The following KIFBP variants were observed in gnomAD, a reference collection of about 807,000 sequenced individuals.
KIFBP encodes KIF-binding protein.
KIFBP carries 46 observed loss-of-function variants against 58.9 expected under a neutral mutation model. That is an observed-to-expected ratio of 0.78 (90% CI 0.62 to 1.00). The LOEUF (loss-of-function observed/expected upper bound fraction) is 1.00, where lower values mean the gene tolerates loss of function less well. KIFBP is among the 50% of genes least tolerant of loss of function. The probability of loss-of-function intolerance (pLI) is 0.00; values close to 1 mark genes in which losing one functional copy is unlikely to be tolerated. For synonymous variants in KIFBP, 241 were observed against 283.4 expected (o/e 0.85, Z 1.50); for missense variants, 651 against 752.9 (o/e 0.86, Z 1.58).
At chr10:69,011,253 C>G in intron 6 of KIFBP, 1 of 455,396 alleles carries the variant, frequency 2.2e-6, no homozygotes, top group Non-Finnish European at 4.0e-6. Context: ...GGCAACAGAG[C>G]GAGACTCCAT....
intron 4 of KIFBP, among the ~76,000 whole-genome samples, chr10:69,008,437 T>C (rs1843560202): frequency 7.3e-6 from 1 of 137,908 alleles, no homozygotes; most frequent in Non-Finnish European, 1.5e-5. Context: ...TCTGACACAA[T>C]GTAAATAGTC....
chr10:69,016,608 T>C lies in KIFBP; in HGVS notation c.*192T>C, dbSNP rs1589299274. The C allele has an allele frequency of 5.2e-6, 3 of 577,272 alleles. No individual in the cohort carries two copies. In the East Asian group the frequency reaches 8.5e-5, roughly 16 times the overall value. The allele number at this position is 577,272 out of a possible 1,614,324, so 35.8% of individuals were successfully genotyped here. Reference sequence around the variant, plus strand: ...AATTAAAAACTTACACCTAATTATGTAAATTGCCTTGTTAAAGACATGTGA... The same window carrying C: ...AATTAAAAACTTACACCTAATTATGCAAATTGCCTTGTTAAAGACATGTGA... On this transcript the variant is annotated 3_prime_UTR_variant, in exon 7 of 7. Transcript: ENST00000361983.
chr10:69,001,749 CAAAA>C (rs11321915), intron 2 of KIFBP, among the ~76,000 whole-genome samples: 2 of 122,150 alleles, frequency 1.6e-5, no homozygotes, highest in African/African-American at 2.8e-5. Context: ...GACCCTGTCT[CAAAA>C]AAAAAAAAAA....
In KIFBP at chr10:69,016,686, G is replaced by T; in HGVS notation, c.*270G>T. Reference sequence around the variant, plus strand: ...TAAAATACAGACATTTCTACCCTCAGTTTCTAAATGTAGACTATTTGTTGG... The same window carrying T: ...TAAAATACAGACATTTCTACCCTCATTTTCTAAATGTAGACTATTTGTTGG... On this transcript the variant is annotated 3_prime_UTR_variant, in exon 7 of 7. Transcript: ENST00000361983. 2.5e-6 allele frequency: 1 copy of T among 394,572 alleles called. No homozygotes were observed. The highest frequency in any genetic ancestry group is 3.6e-5 in the South Asian group (1 of 28,048). The allele number at this position is 394,572 out of a possible 1,614,324, so 24.4% of individuals were successfully genotyped here.
At chr10:69,000,223 C>T (rs1240532516) in intron 1 of KIFBP, among the ~76,000 whole-genome samples, 1 of 152,026 alleles carries the variant, frequency 6.6e-6, no homozygotes, top group Non-Finnish European at 1.5e-5. Context: ...GCATGAATAC[C>T]CCGAAGCAGG....
intron 6 of KIFBP, among the ~76,000 whole-genome samples, chr10:69,012,767 C>G (rs1843608686): frequency 6.6e-6 from 1 of 151,960 alleles, no homozygotes; most frequent in African/African-American, 2.4e-5. Context: ...GTGGTGTGCA[C>G]CTATAGTCCC....
chr10:69,005,220 G>A, intron 3 of KIFBP, 95 bp downstream of exon 3: 1 of 917,134 alleles, frequency 1.1e-6, no homozygotes, highest in South Asian at 1.4e-5. Flanking sequence ...ATAGAATGTG[G>A]ATTCTGACAG....
chr10:69,009,100 T>TCTC (rs1843566055), intron 5 of KIFBP, among the ~76,000 whole-genome samples, 175 bp downstream of exon 5: 1 of 152,232 alleles, frequency 6.6e-6, no homozygotes, highest in Non-Finnish European at 1.5e-5. Context: ...TCTGAACCAT[T>TCTC]GGAGAGAAGG....
intron 2 of KIFBP, among the ~76,000 whole-genome samples, chr10:69,001,351 C>T (rs916109447): frequency 6.6e-6 from 1 of 152,192 alleles, no homozygotes; most frequent in African/African-American, 2.4e-5. Flanking sequence ...TGACAAGCCA[C>T]TGTGTTACCA....
intron 2 of KIFBP, among the ~76,000 whole-genome samples, 163 bp from the exon 3 acceptor site, chr10:69,004,883 A>G (rs1843514209): frequency 6.6e-6 from 1 of 152,194 alleles, no homozygotes. Flanking sequence ...ATAAATAAAA[A>G]TTTAAAAAAC....
At chr10:69,003,625 G>A (rs368477761) in intron 2 of KIFBP, among the ~76,000 whole-genome samples, 5 of 152,300 alleles carry the variant, frequency 3.3e-5, no homozygotes, top group African/African-American at 1.2e-4. Flanking sequence ...TCATGAGATA[G>A]ATACTGTTAT....
At chr10:69,013,219 C>T (rs748479533) in intron 6 of KIFBP, among the ~76,000 whole-genome samples, 2 of 152,126 alleles carry the variant, frequency 1.3e-5, no homozygotes, top group African/African-American at 2.4e-5. Flanking sequence ...CAAATCCAAA[C>T]CATATCAGTG....
In KIFBP at chr10:69,016,513, A is replaced by G; in HGVS notation, c.*97A>G. 1 of 1,237,084 alleles carries G rather than the reference A, an allele frequency of 8.1e-7. No homozygotes were observed. Among genetic ancestry groups the G allele is most frequent in the Non-Finnish European group, 1.2e-6 (1 of 856,466 alleles). 76.6% of individuals were successfully genotyped at this position (1,237,084 alleles called of 1,614,324 possible). ...CATTGTGATGTTTACCTTTATAGCC[A>G]GGTGAGTGCAGTTTGAACTTGAGAT... On this transcript the variant is annotated 3_prime_UTR_variant, in exon 7 of 7. Transcript: ENST00000361983.
chr10:68,994,208 A>G (rs1258706095), intron 1 of KIFBP, among the ~76,000 whole-genome samples: 1 of 152,050 alleles, frequency 6.6e-6, no homozygotes, highest in Non-Finnish European at 1.5e-5. Flanking sequence ...AATTTATAGA[A>G]TGATCCTATT....
At chr10:68,995,168 A>C (rs1332091181) in intron 1 of KIFBP, 1 of 152,074 alleles carries the variant, frequency 6.6e-6, no homozygotes, top group Non-Finnish European at 1.5e-5. Context: ...ACAGGGTCAC[A>C]CCACCACGCC....
chr10:69,011,401 T>A (rs1473338742), intron 6 of KIFBP: 1 of 172,326 alleles, frequency 5.8e-6, no homozygotes, highest in Admixed American at 5.9e-5. Context: ...TATTCTTTTT[T>A]TTTTTTTTTT....
At position 69,016,387 on chromosome 10, in the gene KIFBP, A is replaced by G; in HGVS notation, c.1837A>G (p.Arg613Gly). ...MVSLLPTKME[R>G]FRTKMALT The stretch of plus-strand genomic sequence containing the variant: ...TAGTCTTCTCCCAACAAAAATGGAG[A>G]GATTCAGAACCAAGATGGCCCTGAC... Residue 613 changes from arginine to glycine, a missense_variant, in exon 7 of 7, where the codon AGA becomes GGA. Transcript: ENST00000361983. 2 of 1,614,166 alleles carry G rather than the reference A, an allele frequency of 1.2e-6. No homozygotes were observed. The highest frequency in any genetic ancestry group is 8.5e-7 in the Non-Finnish European group (1 of 1,180,008).
intron 2 of KIFBP, among the ~76,000 whole-genome samples, chr10:69,001,785 T>C (rs1415036657): frequency 6.6e-6 from 1 of 152,132 alleles, no homozygotes; most frequent in East Asian, 1.9e-4. Context: ...AGTGCTTTTA[T>C]AACATTAAAA....
At chr10:69,010,551 A>G (rs564017853) in intron 5 of KIFBP, among the ~76,000 whole-genome samples, 49 of 152,356 alleles carry the variant, frequency 3.2e-4, no homozygotes, top group African/African-American at 9.4e-4. Flanking sequence ...TTTTTGTGAT[A>G]GTAAAGAATT....
Sources: allele counts gnomAD v4.1 joint callset (sites outside exome capture counted in the v4.1 genomes callset), GRCh38; gene constraint gnomAD v4.1.1; transcripts MANE v1.5; gene names NCBI Gene and HGNC (gene_info 2026-07-23, HGNC 2026-07-21).